MAST2: variants seen among roughly 807,000 people sequenced by gnomAD.
MAST2 encodes the protein microtubule associated serine/threonine kinase 2.
A neutral mutation model predicts 147.4 loss-of-function variants in MAST2; 70 were observed. That is an observed-to-expected ratio of 0.47 (90% CI 0.39 to 0.58). MAST2 has a LOEUF of 0.58. Among genes scored for constraint, MAST2 ranks in the 20% least tolerant of loss-of-function variants. MAST2 has a pLI of 0.00. For missense variants in MAST2, 2,080 were observed against 2,302.3 expected (o/e 0.90, Z 1.98); for synonymous variants, 869 against 896.8 (o/e 0.97, Z 0.55).
intron 4 of MAST2, among the ~76,000 whole-genome samples, chr1:45,896,122 G>C (rs1442259769): frequency 6.6e-6 from 1 of 151,088 alleles, no homozygotes; most frequent in Non-Finnish European, 1.5e-5. Context: ...CTGCCTCCCT[G>C]GTTCAAGGAA....
chr1:45,894,911 G>A (rs1016529141), intron 4 of MAST2, among the ~76,000 whole-genome samples: 4 of 152,270 alleles, frequency 2.6e-5, no homozygotes, highest in African/African-American at 9.6e-5. Flanking sequence ...TTTCAATACT[G>A]TAATTATTGA....
At chr1:45,913,653 G>T (rs560177684) in intron 4 of MAST2, 340 of 1,015,720 alleles carry the variant, frequency 3.3e-4, no homozygotes, top group South Asian at 7.1e-4. Context: ...GGTCTTTTGT[G>T]GGGGGATGGG....
intron 3 of MAST2, among the ~76,000 whole-genome samples, chr1:45,843,742 C>T (rs536213235): frequency 6.6e-6 from 1 of 152,182 alleles, no homozygotes; most frequent in Non-Finnish European, 1.5e-5. Flanking sequence ...GTCCTTTTCA[C>T]TCTTAGTTTT....
chr1:45,881,346 T>C (rs1167872664), intron 3 of MAST2, among the ~76,000 whole-genome samples: 1 of 152,234 alleles, frequency 6.6e-6, no homozygotes, highest in African/African-American at 2.4e-5. Flanking sequence ...ATCTCCCAGT[T>C]TTCATAATGT....
rs1035649014 is a variant in MAST2 at position 46,035,603 on chromosome 1, C to A, written c.4934C>A (p.Pro1645His). The part of the protein sequence containing the change: ...SGLTPTSSCS[P>H]PSSTSGKLSM... ...CTCACCCCCACCAGCAGTTGCTCTC[C>A]TCCCAGCTCCACCTCTGGGAAGCTG... is the stretch of plus-strand genomic sequence containing the variant. Residue 1645 changes from proline to histidine, a missense_variant, in exon 29 of 29, where the codon CCT becomes CAT. Coordinates refer to ENST00000361297, the MANE Select transcript of MAST2 (RefSeq NM_015112.3). The surrounding 1 kb of genome is among the most constrained non-coding windows in gnomAD (Gnocchi z 5.5). 8 of 1,613,764 alleles carry A rather than the reference C, an allele frequency of 5.0e-6. No individual in the cohort carries two copies. Among genetic ancestry groups the A allele is most frequent in the African/African-American group, 2.7e-5 (2 of 74,888 alleles).
chr1:45,842,379 T>C (rs963454866), intron 3 of MAST2, among the ~76,000 whole-genome samples: 1 of 152,192 alleles, frequency 6.6e-6, no homozygotes, highest in African/African-American at 2.4e-5. Context: ...TACTGGCAGA[T>C]TTGTTTTTCA....
intron 4 of MAST2, among the ~76,000 whole-genome samples, chr1:45,953,945 C>T (rs1016486171): frequency 1.3e-5 from 2 of 152,194 alleles, no homozygotes; most frequent in African/African-American, 4.8e-5. Flanking sequence ...CCCACTCTCA[C>T]TTCCCCATCT....
At chr1:45,994,238 T>C (rs1399800166) in intron 5 of MAST2, among the ~76,000 whole-genome samples, 1 of 150,610 alleles carries the variant, frequency 6.6e-6, no homozygotes, top group East Asian at 2.0e-4. Context: ...CAGGTTTATG[T>C]CAGACTGATA....
chr1:45,837,551 TAG>T (rs1216528582), intron 3 of MAST2, among the ~76,000 whole-genome samples: 2 of 152,230 alleles, frequency 1.3e-5, no homozygotes, highest in African/African-American at 2.4e-5. Context: ...TTTTGCCTGT[TAG>T]AGAGAGAGCT....
chr1:45,910,218 A>G (rs770627136), intron 4 of MAST2, among the ~76,000 whole-genome samples: 4 of 151,396 alleles, frequency 2.6e-5, no homozygotes, highest in Non-Finnish European at 5.9e-5. Context: ...TGTTGGGATC[A>G]CAACGTACTC....
chr1:46,009,067 T>C (rs904193943), intron 9 of MAST2, among the ~76,000 whole-genome samples: 1 of 152,156 alleles, frequency 6.6e-6, no homozygotes, highest in African/African-American at 2.4e-5. Flanking sequence ...TCTCTTTTTT[T>C]GTTAAGAGAT....
In MAST2 at chr1:46,034,249, C is replaced by T. The variant is rs767005856; in HGVS notation, c.3851C>T (p.Pro1284Leu). 6.2e-7 allele frequency: 1 copy of T among 1,613,282 alleles called. No homozygotes were observed. Among genetic ancestry groups the T allele is most frequent in the South Asian group, 1.1e-5 (1 of 91,020 alleles). Residue 1284 changes from proline (P) to leucine (L), a missense_variant, in exon 28 of 29, where the codon CCC becomes CTC. Transcript: ENST00000361297. The stretch of plus-strand genomic sequence containing the variant: ...CCCACTCAAGGCTACCGGGTGACCC[C>T]CGATGCTGTGCATTCAGGTACGAAG... ...RSPTQGYRVTPDAVHSVGGNS... is the reference protein window; with the variant it reads ...RSPTQGYRVTLDAVHSVGGNS...
At chr1:45,869,648 T>C (rs1305380655) in intron 3 of MAST2, among the ~76,000 whole-genome samples, 1 of 152,242 alleles carries the variant, frequency 6.6e-6, no homozygotes, top group Admixed American at 6.5e-5. Context: ...GCGGTGTTAC[T>C]CTTGATGGTG....
At chr1:45,823,026 A>G (rs1054787100) in intron 1 of MAST2, among the ~76,000 whole-genome samples, 54 of 151,982 alleles carry the variant, frequency 3.6e-4, no homozygotes, top group African/African-American at 1.3e-3. Flanking sequence ...ACTTACCACC[A>G]TGTTTTGAAA....
intron 4 of MAST2, among the ~76,000 whole-genome samples, chr1:45,899,114 T>A (rs1181633335): frequency 6.6e-6 from 1 of 152,128 alleles, no homozygotes. Flanking sequence ...ACCAAGCAGA[T>A]CTGTTTTTAC....
intron 4 of MAST2, among the ~76,000 whole-genome samples, chr1:45,952,859 T>G (rs1570904202): frequency 6.6e-6 from 1 of 152,164 alleles, no homozygotes; most frequent in South Asian, 2.1e-4. Flanking sequence ...CTACAGGATA[T>G]ATTTCAGAAA....
chr1:45,890,809 T>G (rs1647641816), intron 4 of MAST2, among the ~76,000 whole-genome samples: 1 of 152,222 alleles, frequency 6.6e-6, no homozygotes, highest in African/African-American at 2.4e-5. Context: ...TTCCAAACAT[T>G]GGTATGGTCT....
rs541712797 is a variant in MAST2, at chr1:45,832,590, G to C, written c.468+3009G>C. Among the ~76,000 whole-genome samples, 7 of 152,200 alleles carry C rather than the reference G, an allele frequency of 4.6e-5. No individual in the cohort carries two copies. The East Asian group carries it at 1.4e-3, about 29-fold the overall frequency. On this transcript the variant is annotated intron_variant, in intron 3 of 28. Transcript: ENST00000361297. Reference sequence around the variant, plus strand: ...GTTACAGGTGTGAGCCACTGTGCCTGGCCTGTATTTTCTTTAAAGTGTTAC... The same window carrying C: ...GTTACAGGTGTGAGCCACTGTGCCTCGCCTGTATTTTCTTTAAAGTGTTAC...
intron 6 of MAST2, 110 bp downstream of exon 6, chr1:45,997,909 C>A: frequency 2.3e-6 from 2 of 868,872 alleles, no homozygotes; most frequent in Non-Finnish European, 1.9e-6. Context: ...AAGTGTATTA[C>A]CTGAAGCTCC....
Sources: allele counts gnomAD v4.1 joint callset (sites outside exome capture counted in the v4.1 genomes callset), GRCh38; gene constraint gnomAD v4.1.1; non-coding constraint Gnocchi (gnomAD v3.1); transcripts MANE v1.5; gene names NCBI Gene and HGNC (gene_info 2026-07-23, HGNC 2026-07-21).